Variants in TBC1D22A observed in about 807,000 individuals in gnomAD.
The protein encoded by TBC1D22A is TBC1 domain family member 22A.
TBC1D22A carries 38 observed loss-of-function variants against 60.2 expected under a neutral mutation model. The ratio of observed to expected loss-of-function variants is 0.63; its 90% CI spans 0.49 to 0.83. The LOEUF (loss-of-function observed/expected upper bound fraction) is 0.83. Among genes scored for constraint, TBC1D22A ranks in the 40% least tolerant of loss-of-function variants. The pLI is 0.00. For missense variants in TBC1D22A, 628 were observed against 701.0 expected (o/e 0.90, Z 1.18); for synonymous variants, 302 against 281.7 (o/e 1.07, Z -0.72).
chr22:46,838,760 A>G, intron 4 of TBC1D22A, among the ~76,000 whole-genome samples: 1 of 152,250 alleles, frequency 6.6e-6, no homozygotes, highest in East Asian at 1.9e-4. Context: ...TTCTACACAC[A>G]CAAGTCAATA....
intron 4 of TBC1D22A, among the ~76,000 whole-genome samples, chr22:46,861,321 CTA>C (rs1282632023): frequency 2.6e-5 from 4 of 152,278 alleles, no homozygotes; most frequent in East Asian, 3.9e-4. Context: ...AAATGTGTCT[CTA>C]TTTTAATTTT....
intron 8 of TBC1D22A, among the ~76,000 whole-genome samples, chr22:46,935,161 C>T (rs2071572641): frequency 6.6e-6 from 1 of 152,082 alleles, no homozygotes; most frequent in African/African-American, 2.4e-5. Flanking sequence ...CGAAAGTGGC[C>T]TTAAGAAGGT....
chr22:47,109,120 A>G (rs536346691), intron 11 of TBC1D22A, among the ~76,000 whole-genome samples: 1 of 152,366 alleles, frequency 6.6e-6, no homozygotes, highest in South Asian at 2.1e-4. Flanking sequence ...TAGAGACTTC[A>G]GAGCAAAAGC....
chr22:47,164,022 C>T (rs978564093), intron 12 of TBC1D22A, among the ~76,000 whole-genome samples: 2 of 152,232 alleles, frequency 1.3e-5, no homozygotes, highest in African/African-American at 4.8e-5. Flanking sequence ...TACGAAGCAG[C>T]CATCACCGCG....
intron 12 of TBC1D22A, among the ~76,000 whole-genome samples, chr22:47,133,422 C>G (rs544628175): frequency 4.6e-5 from 7 of 152,218 alleles, no homozygotes; most frequent in African/African-American, 1.4e-4. Context: ...AGCCCCAGTA[C>G]CAGAGCGGGA....
At chr22:46,924,893 G>T (rs1441705087) in intron 8 of TBC1D22A, among the ~76,000 whole-genome samples, 1 of 152,228 alleles carries the variant, frequency 6.6e-6, no homozygotes, top group Non-Finnish European at 1.5e-5. Flanking sequence ...TGTGATGAGT[G>T]TGTGGTGGGG....
chr22:46,941,566 C>CAG (rs2072092552), intron 8 of TBC1D22A, among the ~76,000 whole-genome samples: 1 of 142,234 alleles, frequency 7.0e-6, no homozygotes, highest in African/African-American at 2.6e-5. Flanking sequence ...AATATATATA[C>CAG]GGAATATATA....
At chr22:47,046,180 A>AG (rs1196495401) in intron 11 of TBC1D22A, among the ~76,000 whole-genome samples, 2 of 152,164 alleles carry the variant, frequency 1.3e-5, no homozygotes, top group Non-Finnish European at 2.9e-5. Flanking sequence ...AGGGTGTCCA[A>AG]GTCCAAGTAC....
intron 4 of TBC1D22A, among the ~76,000 whole-genome samples, chr22:46,860,567 T>C (rs2087813121): frequency 7.2e-6 from 1 of 138,028 alleles, no homozygotes; most frequent in Admixed American, 7.3e-5. Context: ...TTGATAGAGG[T>C]CCGCGCAGTG....
At chr22:47,056,329 T>C (rs994002402) in intron 11 of TBC1D22A, among the ~76,000 whole-genome samples, 18 of 152,086 alleles carry the variant, frequency 1.2e-4, no homozygotes, top group African/African-American at 4.3e-4. Context: ...TTGTTAGTGA[T>C]TGACAGCGTT....
intron 10 of TBC1D22A, among the ~76,000 whole-genome samples, chr22:47,035,594 C>G (rs2062629690): frequency 6.6e-6 from 1 of 152,214 alleles, no homozygotes; most frequent in Admixed American, 6.5e-5. Context: ...GAGCCCCGCC[C>G]CAGCACGTTT....
At chr22:46,843,167 C>T (rs1364844308) in intron 4 of TBC1D22A, among the ~76,000 whole-genome samples, 1 of 152,232 alleles carries the variant, frequency 6.6e-6, no homozygotes, top group Non-Finnish European at 1.5e-5. Context: ...TGAGCCAGTT[C>T]TGCTGCTCGC....
intron 4 of TBC1D22A, among the ~76,000 whole-genome samples, chr22:46,806,858 C>CA (rs1379906735): frequency 5.9e-4 from 90 of 152,284 alleles, no homozygotes; most frequent in African/African-American, 2.0e-3. Flanking sequence ...TTCGGCCAGT[C>CA]AGACCTGAGT....
chr22:47,153,819 G>A (rs536809673), intron 12 of TBC1D22A, among the ~76,000 whole-genome samples: 15 of 152,290 alleles, frequency 9.8e-5, no homozygotes, highest in African/African-American at 3.4e-4. Flanking sequence ...GAGTGCTGTC[G>A]CCAGAGATCA....
intron 4 of TBC1D22A, among the ~76,000 whole-genome samples, chr22:46,817,559 T>C (rs1039828843): frequency 1.3e-5 from 2 of 152,234 alleles, no homozygotes; most frequent in Non-Finnish European, 2.9e-5. Context: ...TCCAGCTTCA[T>C]CCATGTCCCT....
At chr22:46,906,335 T>C (rs1477485239) in intron 7 of TBC1D22A, among the ~76,000 whole-genome samples, 1 of 152,116 alleles carries the variant, frequency 6.6e-6, no homozygotes, top group African/African-American at 2.4e-5. Flanking sequence ...AGAATAAATG[T>C]TGGGGAGGGG....
In TBC1D22A at chr22:46,958,262, T is replaced by C. The variant is rs1255459584; in HGVS notation, c.1016-16028T>C. ...TATTGATCAGGTCCATTCAGTCCTC[T>C]ATTTGGTTCCCTTTGGGGCTGGAGG... On this transcript the variant is annotated intron_variant, in intron 8 of 12. Coordinates refer to ENST00000337137, the MANE Select transcript of TBC1D22A (RefSeq NM_014346.5). Among the ~76,000 whole-genome samples the C allele has an allele frequency of 2.0e-5, 3 of 152,176 alleles. No homozygotes were observed. In the East Asian group the frequency reaches 5.8e-4, roughly 29 times the overall value.
chr22:47,151,087 C>T (rs2067482954), intron 12 of TBC1D22A, among the ~76,000 whole-genome samples: 1 of 152,120 alleles, frequency 6.6e-6, no homozygotes, highest in Admixed American at 6.5e-5. Context: ...GGCCTGTGAG[C>T]TGCGTGGGGA....
intron 4 of TBC1D22A, among the ~76,000 whole-genome samples, chr22:46,837,568 A>G (rs889283445): frequency 4.6e-5 from 7 of 152,238 alleles, no homozygotes; most frequent in African/African-American, 1.4e-4. Context: ...CAATGGTGTG[A>G]TACTAGAAAT....
Sources: allele counts gnomAD v4.1 joint callset (sites outside exome capture counted in the v4.1 genomes callset), GRCh38; gene constraint gnomAD v4.1.1; transcripts MANE v1.5; gene names NCBI Gene and HGNC (gene_info 2026-07-23, HGNC 2026-07-21).